The following TJP1 variants were observed in gnomAD, a reference collection of about 807,000 sequenced individuals.
TJP1 encodes the protein tight junction protein ZO-1.
Under a neutral mutation model 194.2 loss-of-function variants are expected in TJP1, and 43 were observed. The ratio of observed to expected loss-of-function variants is 0.22; its 90% CI spans 0.17 to 0.29. The LOEUF is 0.29. Ranked by LOEUF, TJP1 falls within the 10% of genes least tolerant of loss-of-function variation. The pLI is 1.00. For missense variants in TJP1, 1,971 were observed against 2,185.7 expected, an observed-to-expected ratio of 0.90 and a Z score of 1.96; for synonymous variants, 801 against 779.0, an observed-to-expected ratio of 1.03 and a Z score of -0.47.
Position 29,726,870 on chromosome 15 carries a change from A to G in TJP1, c.2222T>C (p.Met741Thr). The G allele has an allele frequency of 6.2e-7, 1 of 1,614,152 alleles. No individual in the cohort carries two copies. The highest frequency in any genetic ancestry group is 8.5e-7 in the Non-Finnish European group (1 of 1,179,984). The change falls in exon 17 of 28, where the codon ATG (methionine) becomes ACG (threonine). Residue 741 changes from methionine (M) to threonine (T), a missense_variant. Met to Thr is a moderately conservative substitution (Grantham distance 81). Transcript: ENST00000614355. ...TTTCCGAGATTCTGGACATAACCTCATTCTCATTGTTTTTACTCCTTGCTT... is the reference window on the plus strand; with the variant it reads ...TTTCCGAGATTCTGGACATAACCTCGTTCTCATTGTTTTTACTCCTTGCTT... The part of the protein sequence containing the change: ...DSKQGVKTMR[M>T]RLCPESRKSA...
At chr15:29,767,318 C>A (rs186473798) in intron 4 of TJP1, among the ~76,000 whole-genome samples, 1 of 152,322 alleles carries the variant, frequency 6.6e-6, no homozygotes. Context: ...CACTTGACCT[C>A]ACTGTAGTTC....
chr15:29,774,233 G>A (rs143872216), intron 2 of TJP1, among the ~76,000 whole-genome samples: 17 of 151,940 alleles, frequency 1.1e-4, no homozygotes, highest in African/African-American at 2.2e-4. Flanking sequence ...TTTCCAGTCC[G>A]CAACAGAGGA....
At chr15:29,893,461 CT>C (rs1482024773) in intron 2 of TJP1, among the ~76,000 whole-genome samples, 1 of 152,170 alleles carries the variant, frequency 6.6e-6, no homozygotes, top group Non-Finnish European at 1.5e-5. Flanking sequence ...GCATCCCATG[CT>C]TCAGAAAAAT....
In TJP1 at chr15:29,887,259, TAATATA is replaced by T. The variant is rs1009412746; in HGVS notation, c.306+68967_306+68972del. Among the ~76,000 whole-genome samples the T allele has an allele frequency of 4.3e-4, 64 of 147,936 alleles. No individual in the cohort carries two copies. In the East Asian group the frequency reaches 0.012, roughly 29 times the overall value. ...GGTAGAAAAATATATTGTATATATATAATATAAATATATACATATATAATATAAATA... is the reference window on the plus strand; with the variant it reads ...GGTAGAAAAATATATTGTATATATATAATATATACATATATAATATAAATA... On this transcript the variant is annotated intron_variant, in intron 2 of 28. Coordinates refer to the TJP1 transcript ENST00000356107.
intron 1 of TJP1, among the ~76,000 whole-genome samples, chr15:29,808,418 G>A (rs1214795875): frequency 6.6e-6 from 1 of 152,126 alleles, no homozygotes; most frequent in Non-Finnish European, 1.5e-5. Context: ...TGAGTTGTGG[G>A]CAAATAGGCA....
rs187413133 is a variant in TJP1 at position 29,909,796 on chromosome 15, T to C, written c.306+46436A>G. The stretch of plus-strand genomic sequence containing the variant: ...ATGTCTTTATGCACTCGGGCCAAGC[T>C]GGAGTCTGCAGATTAGAACCTGGGT... On this transcript the variant is annotated intron_variant, in intron 2 of 28. Transcript: ENST00000356107. Among the ~76,000 whole-genome samples, 36 of 152,228 alleles carry C rather than the reference T, an allele frequency of 2.4e-4. No homozygotes were observed. In the East Asian group the frequency reaches 3.1e-3, roughly 13 times the overall value.
chr15:29,793,286 C>T (rs1409759045), intron 2 of TJP1, among the ~76,000 whole-genome samples: 1 of 152,066 alleles, frequency 6.6e-6, no homozygotes, highest in Non-Finnish European at 1.5e-5. Context: ...CCTTCTACAT[C>T]CAGTTGAGTT....
At chr15:29,930,363 A>G (rs576783969) in intron 2 of TJP1, among the ~76,000 whole-genome samples, 3 of 152,378 alleles carry the variant, frequency 2.0e-5, no homozygotes, top group East Asian at 3.9e-4. Context: ...ACAAAATCTT[A>G]GGCAACACCA....
intron 2 of TJP1, among the ~76,000 whole-genome samples, chr15:29,949,331 T>G (rs1289501019): frequency 1.3e-5 from 1 of 76,198 alleles, no homozygotes; most frequent in Non-Finnish European, 2.6e-5. Context: ...CACCACTACC[T>G]CCACCACCTC....
At chr15:29,931,335 C>G (rs2054706027) in intron 2 of TJP1, among the ~76,000 whole-genome samples, 1 of 152,062 alleles carries the variant, frequency 6.6e-6, no homozygotes, top group Non-Finnish European at 1.5e-5. Flanking sequence ...TGGAGCCGCA[C>G]TGTTCAAACC....
In TJP1 at chr15:29,700,587, G is replaced by C. The variant is rs1160500157; in HGVS notation, c.*1008C>G. ...CGTGGTCTTGTTTATGTATAAAAAAGGTAAAGTTTATAAAAGTTAATTTAC... is the reference window on the plus strand; with the variant it reads ...CGTGGTCTTGTTTATGTATAAAAAACGTAAAGTTTATAAAAGTTAATTTAC... On this transcript the variant is annotated 3_prime_UTR_variant, in exon 28 of 28. Coordinates refer to ENST00000614355, the MANE Select transcript of TJP1 (RefSeq NM_001330239.4). The C allele has an allele frequency of 2.5e-6, 1 of 396,414 alleles. No individual in the cohort carries two copies. 24.6% of individuals were successfully genotyped at this position (396,414 alleles called of 1,614,324 possible). A position where few individuals can be genotyped will look rare whatever the true frequency, so the allele number is the denominator to read the frequency against.
Position 29,718,944 on chromosome 15 carries a change from A to G in TJP1, c.3198T>C (p.Tyr1066=). Residue 1066 remains tyrosine, a synonymous_variant, in exon 21 of 28, where the codon TAT becomes TAC. Transcript: ENST00000614355. ...CATAGTTTCGAGAAAACTGGTCCGTATAGCTTGAGGACTCGTATCTGTATG... is the reference window on the plus strand; with the variant it reads ...CATAGTTTCGAGAAAACTGGTCCGTGTAGCTTGAGGACTCGTATCTGTATG... ...QPTYRYESSS[Y]TDQFSRNYEH... The G allele has an allele frequency of 1.2e-6, 2 of 1,614,172 alleles. No individual in the cohort carries two copies. Among genetic ancestry groups the G allele is most frequent in the Non-Finnish European group, 1.7e-6 (2 of 1,180,032 alleles).
chr15:29,937,332 G>A (rs1298322381), intron 2 of TJP1, among the ~76,000 whole-genome samples: 1 of 152,106 alleles, frequency 6.6e-6, no homozygotes, highest in Admixed American at 6.5e-5. Context: ...TTTCTATTGG[G>A]TAAAGTCTTG....
chr15:29,921,799 T>C (rs922704252), intron 2 of TJP1, among the ~76,000 whole-genome samples: 1 of 151,904 alleles, frequency 6.6e-6, no homozygotes, highest in Non-Finnish European at 1.5e-5. Flanking sequence ...GTAACAAGAG[T>C]CTGGCATATT....
intron 2 of TJP1, among the ~76,000 whole-genome samples, chr15:29,837,734 GTTTC>G (rs2051083023): frequency 6.6e-6 from 1 of 152,172 alleles, no homozygotes; most frequent in Non-Finnish European, 1.5e-5. Context: ...ATCATGTCCT[GTTTC>G]TTTCTGCCCC....
rs74008550 is a variant in TJP1 at position 29,724,529 on chromosome 15, C to T, written c.2412+1850G>A. The stretch of plus-strand genomic sequence containing the variant: ...TTTGAAATGCAGATGTAAGCAAGAA[C>T]GATGGGTTGCTTTGAACTAGGAAAT... On this transcript the variant is annotated intron_variant, in intron 18 of 27. Coordinates refer to ENST00000614355, the MANE Select transcript of TJP1 (RefSeq NM_001330239.4). Among the ~76,000 whole-genome samples the T allele has an allele frequency of 2.3e-3, 353 of 152,288 alleles. 2 individuals are homozygous for T. Among genetic ancestry groups the T allele is most frequent in the African/African-American group, 8.3e-3 (345 of 41,568 alleles).
intron 2 of TJP1, among the ~76,000 whole-genome samples, chr15:29,869,676 T>TA: frequency 6.6e-6 from 1 of 151,980 alleles, no homozygotes; most frequent in Non-Finnish European, 1.5e-5. Flanking sequence ...ACAGGCACCT[T>TA]ACAGACACCG....
At chr15:29,720,792 G>C in intron 18 of TJP1, 84 bp from the exon 19 acceptor site, 1 of 1,102,878 alleles carries the variant, frequency 9.1e-7, no homozygotes, top group Non-Finnish European at 1.3e-6. Flanking sequence ...GATTGAAAAG[G>C]ATATCTTTCT....
chr15:29,924,371 A>G (rs1166618799), intron 2 of TJP1, among the ~76,000 whole-genome samples: 4 of 152,198 alleles, frequency 2.6e-5, no homozygotes, highest in Admixed American at 2.6e-4. Context: ...ATGCTCAGCC[A>G]ATAATTTTTA....
Sources: gnomAD v4.1 joint callset for allele counts (sites outside exome capture counted in the v4.1 genomes callset) on GRCh38, gnomAD v4.1.1 for gene constraint, MANE v1.5 for transcripts, NCBI Gene and HGNC (gene_info 2026-07-23, HGNC 2026-07-21) for gene names.